Variants in EFS observed in about 807,000 individuals in gnomAD.
EFS encodes the protein embryonal Fyn-associated substrate.
In EFS, 34 loss-of-function variants were observed where a neutral mutation model predicts 42.2. The observed-to-expected ratio is 0.81, with a 90% CI of 0.61 to 1.07. EFS has a LOEUF of 1.07. Ranked by LOEUF, EFS falls within the 50% of genes least tolerant of loss-of-function variation. The pLI, the probability that EFS is intolerant of heterozygous loss-of-function variation, is 0.00. For synonymous variants in EFS, 299 were observed against 320.7 expected (o/e 0.93, Z 0.72); for missense variants, 717 against 729.4 (o/e 0.98, Z 0.20).
rs113470967 is a variant in EFS, at chr14:23,359,495, C to G, written c.983G>C (p.Arg328Pro). 6.7e-7 allele frequency: 1 copy of G among 1,500,942 alleles called. No individual in the cohort carries two copies. The allele number at this position is 1,500,942 out of a possible 1,614,324, so 93.0% of individuals were successfully genotyped here. ...AGGCCGGTCCTGGATGCTGCCCTTC[C>G]GGCCTGGGGCAGGAGAGGGCACTGG... ...PSPVPSPAPG[R>P]KGSIQDRPLP... The change falls in exon 4 of 6, where the codon CGG becomes CCG. Residue 328 changes from arginine to proline, a missense_variant. By Grantham distance (103) the Arg-to-Pro change is moderately radical. Coordinates refer to ENST00000216733, the MANE Select transcript of EFS (RefSeq NM_005864.4).
rs146359733 is a variant in EFS at position 23,359,819 on chromosome 14, G to C, written c.659C>G (p.Pro220Arg). ...REPGPPIYAAPSNLKRASALL... is the reference protein window; with the variant it reads ...REPGPPIYAARSNLKRASALL... ...GGCTGACGCTCGTTTCAGGTTGGAGGGGGCAGCATAGATGGGGGGCCCCGG... is the reference window on the plus strand; with the variant it reads ...GGCTGACGCTCGTTTCAGGTTGGAGCGGGCAGCATAGATGGGGGGCCCCGG... Residue 220 changes from proline to arginine, a missense_variant, in exon 4 of 6, where the codon CCC (proline) becomes CGC (arginine). Physicochemically the swap from Pro to Arg is moderately radical, Grantham distance 103. Coordinates refer to ENST00000216733, the MANE Select transcript of EFS (RefSeq NM_005864.4). 2.2e-5 allele frequency: 33 copies of C among 1,523,754 alleles called. No homozygotes were observed. Among genetic ancestry groups the C allele is most frequent in the Non-Finnish European group, 2.5e-5 (28 of 1,138,404 alleles). The allele number at this position is 1,523,754 out of a possible 1,614,324, so 94.4% of individuals were successfully genotyped here.
chr14:23,362,315 C>T (rs760550033), intron 1 of EFS, among the ~76,000 whole-genome samples: 2 of 152,172 alleles, frequency 1.3e-5, no homozygotes, highest in Admixed American at 6.5e-5. Context: ...GGTAGCCAAA[C>T]GGACTGACTA....
chr14:23,359,779 A>G lies in EFS; in HGVS notation c.699T>C (p.Tyr233=), dbSNP rs1427478687. 12 of 1,520,306 alleles carry G rather than the reference A, an allele frequency of 7.9e-6. No homozygotes were observed. The highest frequency in any genetic ancestry group is 8.8e-6 in the Non-Finnish European group (10 of 1,136,128). The allele number at this position is 1,520,306 out of a possible 1,614,324, so 94.2% of individuals were successfully genotyped here. The change falls in exon 4 of 6, where the codon TAT becomes TAC. Residue 233 remains tyrosine, a synonymous_variant. Transcript: ENST00000216733. ...CTGCCAGCAGTTCCTCGGGTGCTTC[A>G]TACAAATTGAGTAAGGCTGACGCTC... is the stretch of plus-strand genomic sequence containing the variant. ...LKRASALLNL[Y]EAPEELLADG... is the part of the protein sequence containing the mutation.
Position 23,365,031 on chromosome 14 carries a change from T to C in EFS, c.-6A>G, listed in dbSNP as rs1345401530. ...ACCGACGTGGCAATGGCCATGGCTT[T>C]GGCCTCCCGCGCAGCCTGCCTCAGG... On this transcript the variant is annotated 5_prime_UTR_variant, in exon 1 of 6. Transcript: ENST00000216733. This position sits in a 1 kb window ranked among gnomAD's most constrained non-coding sequence, Gnocchi z 5.3. 2.3e-6 allele frequency: 3 copies of C among 1,332,314 alleles called. No individual in the cohort carries two copies. The highest frequency in any genetic ancestry group is 3.0e-5 in the African/African-American group (2 of 66,816). 82.5% of individuals were successfully genotyped at this position (1,332,314 alleles called of 1,614,324 possible).
intron 5 of EFS, among the ~76,000 whole-genome samples, chr14:23,358,434 A>G (rs1890000095): frequency 6.6e-6 from 1 of 152,222 alleles, no homozygotes; most frequent in Non-Finnish European, 1.5e-5. Context: ...CATTCTACGC[A>G]GGGTTGAGGA....
chr14:23,359,594 C>CG lies in EFS; in HGVS notation c.883dup (p.Arg295ProfsTer6). The CG allele has an allele frequency of 1.6e-6, 1 of 626,728 alleles. No homozygotes were observed. The highest frequency in any genetic ancestry group is 1.1e-4 in the East Asian group (1 of 9,372). 38.8% of individuals were successfully genotyped at this position (626,728 alleles called of 1,614,324 possible). On this transcript the variant is annotated frameshift_variant, in exon 4 of 6. Coordinates refer to ENST00000216733, the MANE Select transcript of EFS (RefSeq NM_005864.4). LOFTEE classifies it high-confidence loss of function. Reference sequence around the variant, plus strand: ...GGACAGGCTCTCAGCTGAGGGGAGCCGGGGCCTGTGTGGGGGTGGGGGGCT... The same window carrying CG: ...GGACAGGCTCTCAGCTGAGGGGAGCCGGGGGCCTGTGTGGGGGTGGGGGGCT...
intron 1 of EFS, among the ~76,000 whole-genome samples, chr14:23,363,941 A>G (rs540923332): frequency 1.3e-5 from 2 of 152,082 alleles, no homozygotes; most frequent in South Asian, 4.2e-4. Context: ...CTCAAAAAAA[A>G]AAAAAAAATG....
Position 23,358,943 on chromosome 14 carries a change from G to C in EFS, c.1184C>G (p.Ser395Cys), listed in dbSNP as rs774465721. The change falls in exon 5 of 6, where the codon TCT becomes TGT. Residue 395 changes from serine to cysteine, a missense_variant. Transcript: ENST00000216733. The stretch of plus-strand genomic sequence containing the variant: ...TGTGCAGGCCTGATCCGGGGGCCTA[G>C]ATCCCTGAGCTTTGTCCATGCCCTG... ...HLKGMDKAQGSRPPDQACTGD... is the reference protein window; with the variant it reads ...HLKGMDKAQGCRPPDQACTGD... 12 of 1,612,788 alleles carry C rather than the reference G, an allele frequency of 7.4e-6. No homozygotes were observed. The highest frequency in any genetic ancestry group is 9.3e-6 in the Non-Finnish European group (11 of 1,179,520).
Position 23,359,370 on chromosome 14 carries a change from T to C in EFS, c.1108A>G (p.Asn370Asp). The C allele has an allele frequency of 6.2e-7, 1 of 1,612,602 alleles. No homozygotes were observed. Among genetic ancestry groups the C allele is most frequent in the Non-Finnish European group, 8.5e-7 (1 of 1,179,802 alleles). Residue 370 changes from asparagine to aspartate, a missense_variant, in exon 4 of 6, where the codon AAT (asparagine) becomes GAT (aspartate). Transcript: ENST00000216733. Reference sequence around the variant, plus strand: ...GCCATCGGAATGCCCTCGTACTCATTGTGGTGTCCTGCTGGGTCATCCTCC... The same window carrying C: ...GCCATCGGAATGCCCTCGTACTCATCGTGGTGTCCTGCTGGGTCATCCTCC... ...EMEDDPAGHH[N>D]EYEGIPMAEE...
In EFS at chr14:23,359,906, G is replaced by C; in HGVS notation, c.572C>G (p.Pro191Arg). Residue 191 changes from proline to arginine, a missense_variant, in exon 4 of 6, where the codon CCT (proline) becomes CGT (arginine). Transcript: ENST00000216733. The stretch of plus-strand genomic sequence containing the variant: ...CTCTGCAGGTGGCTTTGGGGTCAGA[G>C]GCACATCATAGGGAGCATCATCCTC... ...PGEDDAPYDV[P>R]LTPKPPAELE... The C allele has an allele frequency of 2.6e-6, 4 of 1,539,100 alleles. No individual in the cohort carries two copies. The highest frequency in any genetic ancestry group is 3.5e-6 in the Non-Finnish European group (4 of 1,144,708).
chr14:23,357,796 T>A lies in EFS; in HGVS notation c.1252-136A>T, dbSNP rs546047999. ...ACCTCTGCCCATCGGAAAGTTTAGA[T>A]TCTAGAGAGAGCAGCAGTGAAGTGC... On this transcript the variant is annotated intron_variant, in intron 5 of 5. Coordinates refer to ENST00000216733, the MANE Select transcript of EFS (RefSeq NM_005864.4). 446 of 727,418 alleles carry A rather than the reference T, an allele frequency of 6.1e-4. 1 individual carries two copies. Among genetic ancestry groups the A allele is most frequent in the Non-Finnish European group, 8.9e-4 (421 of 472,236 alleles). 45.1% of individuals were successfully genotyped at this position (727,418 alleles called of 1,614,324 possible).
intron 1 of EFS, among the ~76,000 whole-genome samples, chr14:23,364,719 AGGACTC>A (rs1358735703): frequency 1.4e-4 from 22 of 152,176 alleles, no homozygotes; most frequent in African/African-American, 4.8e-4. Context: ...AGGAGCAGAT[AGGACTC>A]GGGCTACGCT....
Position 23,359,987 on chromosome 14 carries a change from T to C in EFS, c.491A>G (p.Asp164Gly). Residue 164 changes from aspartate (D) to glycine (G), a missense_variant, in exon 4 of 6, where the codon GAC becomes GGC. Asp to Gly is a moderately conservative substitution (Grantham distance 94, BLOSUM62 -1). Coordinates refer to ENST00000216733, the MANE Select transcript of EFS (RefSeq NM_005864.4). ...ALRVPSSGPY[D>G]CPASFSHPLT... ...AGGGTGGGAAAAGGAGGCAGGGCAG[T>C]CATAGGGGCCACTGGAGGGCACCCG... 6.3e-7 allele frequency: 1 copy of C among 1,594,192 alleles called. No individual in the cohort carries two copies. Among genetic ancestry groups the C allele is most frequent in the Non-Finnish European group, 8.5e-7 (1 of 1,171,254 alleles).
rs767191637 is a variant in EFS, at chr14:23,359,832, TG to T, written c.645del (p.Ile216SerfsTer8). On this transcript the variant is annotated frameshift_variant, in exon 4 of 6. Transcript: ENST00000216733. LOFTEE classifies it high-confidence loss of function. The part of the protein sequence containing the change: ...EWEGGREPGP[P>X]IYAAPSNLKR... ...TTCAGGTTGGAGGGGGCAGCATAGA[TG>T]GGGGGCCCCGGCTCCCGGCCTCCTT... 2.6e-6 allele frequency: 4 copies of T among 1,525,076 alleles called. No homozygotes were observed. The highest frequency in any genetic ancestry group is 2.3e-5 in the East Asian group (1 of 43,976). The allele number at this position is 1,525,076 out of a possible 1,614,324, so 94.5% of individuals were successfully genotyped here. A position where few individuals can be genotyped will look rare whatever the true frequency, so the allele number is the denominator to read the frequency against.
chr14:23,360,959 C>T lies in EFS; in HGVS notation c.19-126G>A. 9 of 1,010,164 alleles carry T rather than the reference C, an allele frequency of 8.9e-6. No individual in the cohort carries two copies. In the South Asian group the frequency reaches 1.3e-4, roughly 15 times the overall value. The allele number at this position is 1,010,164 out of a possible 1,614,324, so 62.6% of individuals were successfully genotyped here. ...TAAAAAACCTGAACTCTGGATGCAG[C>T]TTTCTGCCTGGGCCCTAGCTTCTCT... On this transcript the variant is annotated intron_variant, in intron 1 of 5. Coordinates refer to ENST00000216733, the MANE Select transcript of EFS (RefSeq NM_005864.4).
At chr14:23,361,724 A>G (rs2138541578) in intron 1 of EFS, among the ~76,000 whole-genome samples, 1 of 152,358 alleles carries the variant, frequency 6.6e-6, no homozygotes, top group East Asian at 1.9e-4. Context: ...ATCAAGGGCC[A>G]CAGGCTCAGG....
intron 2 of EFS, 115 bp downstream of exon 2, chr14:23,360,440 T>C (rs1890107533): frequency 2.0e-6 from 3 of 1,487,760 alleles, no homozygotes; most frequent in Non-Finnish European, 1.8e-6. Context: ...CGCAGAGCAG[T>C]GAAGAGCTGT....
chr14:23,358,484 G>C (rs1890001646), intron 5 of EFS, among the ~76,000 whole-genome samples: 1 of 152,110 alleles, frequency 6.6e-6, no homozygotes, highest in Admixed American at 6.5e-5. Context: ...ATTAACTGAC[G>C]GCTTCAAAGC....
Position 23,356,482 on chromosome 14 carries a change from C to T in EFS, c.*744G>A, listed in dbSNP as rs530465106. 8.5e-5 allele frequency: 13 copies of T among 152,354 alleles called. No homozygotes were observed. Among genetic ancestry groups the T allele is most frequent in the African/African-American group, 3.1e-4 (13 of 41,574 alleles). 9.4% of individuals were successfully genotyped at this position (152,354 alleles called of 1,614,324 possible). A position where few individuals can be genotyped will look rare whatever the true frequency, so the allele number is the denominator to read the frequency against. On this transcript the variant is annotated 3_prime_UTR_variant, in exon 6 of 6. Transcript: ENST00000216733. Reference sequence around the variant, plus strand: ...ACTAGAACAATACATTCACAATATACTTGCAGAACTGTGCCTGGCGCGTCA... The same window carrying T: ...ACTAGAACAATACATTCACAATATATTTGCAGAACTGTGCCTGGCGCGTCA...
Sources: allele counts gnomAD v4.1 joint callset (sites outside exome capture counted in the v4.1 genomes callset), GRCh38; gene constraint gnomAD v4.1.1; non-coding constraint Gnocchi (gnomAD v3.1); transcripts MANE v1.5; gene names NCBI Gene and HGNC (gene_info 2026-07-23, HGNC 2026-07-21).